Variants in TENM3 observed in about 807,000 individuals in gnomAD.
TENM3 encodes teneurin transmembrane protein 3.
TENM3 carries 63 observed loss-of-function variants against 255.1 expected under a neutral mutation model. The ratio of observed to expected loss-of-function variants is 0.25; its 90% CI spans 0.20 to 0.30. The LOEUF is 0.30. Among genes scored for constraint, TENM3 ranks in the 10% least tolerant of loss-of-function variants. The probability of loss-of-function intolerance (pLI) is 1.00; values close to 1 mark genes in which losing one functional copy is unlikely to be tolerated. For synonymous variants in TENM3, 1,306 were observed against 1,322.3 expected (o/e 0.99, Z 0.27); for missense variants, 2,929 against 3,461.1 (o/e 0.85, Z 3.86).
intron 6 of TENM3, among the ~76,000 whole-genome samples, chr4:182,667,885 G>A (rs940391486): frequency 5.3e-5 from 8 of 151,668 alleles, no homozygotes; most frequent in East Asian, 1.9e-4. Flanking sequence ...CCAATATGGC[G>A]CATGTATACA....
At chr4:182,339,702 G>A (rs1764364103) in intron 2 of TENM3, among the ~76,000 whole-genome samples, 1 of 152,114 alleles carries the variant, frequency 6.6e-6, no homozygotes, top group Non-Finnish European at 1.5e-5. Flanking sequence ...GTGACTCACC[G>A]CGGTGCTGCT....
At chr4:182,751,769 C>G (rs1762388210) in intron 19 of TENM3, 31 bp from the exon 20 acceptor site, 29 of 1,524,600 alleles carry the variant, frequency 1.9e-5, no homozygotes, top group Non-Finnish European at 2.5e-5. Context: ...GAGTAACTCC[C>G]TTTGATGTTT....
At chr4:182,049,769 C>T in the TENM3 span, among the ~76,000 whole-genome samples, 9 of 152,068 alleles carry the variant, frequency 5.9e-5, no homozygotes, top group Non-Finnish European at 7.3e-5. Context: ...GCTTAAATGG[C>T]GTTTATTTAT....
chr4:182,108,893 T>C, the TENM3 span, among the ~76,000 whole-genome samples: 1 of 152,264 alleles, frequency 6.6e-6, no homozygotes, highest in African/African-American at 2.4e-5. Context: ...AAAGTCATCA[T>C]CAAGAAAAGT....
chr4:182,251,783 C>T (rs1039188461), intron 1 of TENM3, among the ~76,000 whole-genome samples: 1 of 152,224 alleles, frequency 6.6e-6, no homozygotes, highest in Non-Finnish European at 1.5e-5. Context: ...TGGGTTAAAA[C>T]ATGCACAGAA....
At chr4:182,283,717 G>A (rs1335181802) in intron 1 of TENM3, among the ~76,000 whole-genome samples, 2 of 152,138 alleles carry the variant, frequency 1.3e-5, no homozygotes, top group Non-Finnish European at 2.9e-5. Context: ...GATGTGGTGG[G>A]GTGAAATACT....
intron 3 of TENM3, among the ~76,000 whole-genome samples, chr4:182,372,401 A>G (rs1766887259): frequency 6.6e-6 from 1 of 152,240 alleles, no homozygotes; most frequent in Admixed American, 6.5e-5. Flanking sequence ...AAATTAAAAA[A>G]ATACTCGACA....
At chr4:182,788,751 G>T (rs1447359720) in intron 24 of TENM3, among the ~76,000 whole-genome samples, 4 of 152,166 alleles carry the variant, frequency 2.6e-5, no homozygotes, top group Non-Finnish European at 5.9e-5. Context: ...AGTGTCTTTT[G>T]GGGGAGGAGC....
chr4:181,831,513 C>A, the TENM3 span, among the ~76,000 whole-genome samples: 67 of 99,870 alleles, frequency 6.7e-4, no homozygotes, highest in Admixed American at 1.1e-3. Context: ...AAAAAAAAAA[C>A]CTGATTTTTT....
At chr4:181,769,482 T>C in the TENM3 span, among the ~76,000 whole-genome samples, 2 of 152,222 alleles carry the variant, frequency 1.3e-5, no homozygotes, top group African/African-American at 4.8e-5. Context: ...TTGGGTTAAA[T>C]AATATAAATC....
the TENM3 span, among the ~76,000 whole-genome samples, chr4:182,060,753 G>A: frequency 1.3e-5 from 2 of 152,108 alleles, no homozygotes; most frequent in Non-Finnish European, 2.9e-5. Context: ...TTAAAACTAA[G>A]AATGCTAATT....
the TENM3 span, among the ~76,000 whole-genome samples, chr4:182,080,769 A>T: frequency 1.3e-5 from 2 of 152,178 alleles, no homozygotes; most frequent in East Asian, 3.9e-4. Context: ...AGGCAGGAGG[A>T]TCACCTGAGC....
intron 16 of TENM3, among the ~76,000 whole-genome samples, chr4:182,734,996 A>T (rs1761055462): frequency 6.6e-6 from 1 of 152,200 alleles, no homozygotes; most frequent in Non-Finnish European, 1.5e-5. Context: ...ACATGTTATC[A>T]GGGTCATTCT....
intron 1 of TENM3, among the ~76,000 whole-genome samples, chr4:182,249,624 C>A (rs1173030889): frequency 6.6e-6 from 1 of 152,088 alleles, no homozygotes. Flanking sequence ...AAATGTACGT[C>A]CCCCCACAGT....
chr4:182,041,495 G>T, the TENM3 span, among the ~76,000 whole-genome samples: 1 of 152,128 alleles, frequency 6.6e-6, no homozygotes, highest in Non-Finnish European at 1.5e-5. Context: ...TGCAAACATT[G>T]TTCCTATGGT....
the TENM3 span, among the ~76,000 whole-genome samples, chr4:181,599,359 G>A: frequency 6.6e-6 from 1 of 152,180 alleles, no homozygotes; most frequent in Non-Finnish European, 1.5e-5. Flanking sequence ...CGGAACAAAA[G>A]CAACAGCAGG....
At chr4:182,362,570 G>A (rs375794227) in intron 3 of TENM3, among the ~76,000 whole-genome samples, 20 of 152,198 alleles carry the variant, frequency 1.3e-4, no homozygotes, top group South Asian at 1.2e-3. Context: ...TTTTAAGCCC[G>A]TCGGAAAAGC....
At chr4:182,339,874 A>G (rs1440395226) in intron 2 of TENM3, among the ~76,000 whole-genome samples, 3 of 152,044 alleles carry the variant, frequency 2.0e-5, no homozygotes, top group Non-Finnish European at 2.9e-5. Context: ...CTAAGTAAAC[A>G]TAAGAAGCAA....
the TENM3 span, among the ~76,000 whole-genome samples, chr4:181,942,712 C>T: frequency 6.6e-6 from 1 of 152,142 alleles, no homozygotes; most frequent in Non-Finnish European, 1.5e-5. Context: ...TTCAAAGCAA[C>T]ATGAAACTAT....
Sources: gnomAD v4.1 joint callset for allele counts (sites outside exome capture counted in the v4.1 genomes callset) on GRCh38, gnomAD v4.1.1 for gene constraint, MANE v1.5 for transcripts, NCBI Gene and HGNC (gene_info 2026-07-23, HGNC 2026-07-21) for gene names.